Variants in ACOXL observed in about 807,000 individuals in gnomAD.
ACOXL encodes the protein acyl-CoA oxidase like.
ACOXL carries 70 observed loss-of-function variants against 71.9 expected under a neutral mutation model. The ratio of observed to expected loss-of-function variants is 0.97; its 90% CI spans 0.80 to 1.19. The LOEUF is 1.19. ACOXL is among the 50% of genes most tolerant of loss of function. ACOXL has a pLI of 0.00. For synonymous variants in ACOXL, 253 were observed against 281.6 expected (o/e 0.90, Z 1.02); for missense variants, 703 against 736.3 (o/e 0.95, Z 0.52).
In ACOXL at chr2:111,117,833, TGTG is replaced by T. The variant is rs975745748; in HGVS notation, c.*22_*24del. On this transcript the variant is annotated 3_prime_UTR_variant, in exon 18 of 18. Coordinates refer to ENST00000439055, the MANE Select transcript of ACOXL (RefSeq NM_001142807.4). Reference sequence around the variant, plus strand: ...AAGCTCTAACGGGTGTGGCGGGAAGTGTGGTGGCCCGCCAGCAGCTGCCACGAC... The same window carrying T: ...AAGCTCTAACGGGTGTGGCGGGAAGTGTGGCCCGCCAGCAGCTGCCACGAC... 1.7e-5 allele frequency: 26 copies of T among 1,538,604 alleles called. No homozygotes were observed. Among genetic ancestry groups the T allele is most frequent in the Non-Finnish European group, 2.0e-5 (23 of 1,143,142 alleles).
intron 12 of ACOXL, among the ~76,000 whole-genome samples, chr2:110,964,697 A>T (rs562523589): frequency 4.1e-4 from 63 of 152,336 alleles, no homozygotes; most frequent in African/African-American, 1.5e-3. Context: ...TTATTGATAC[A>T]TAGTATTTGT....
intron 16 of ACOXL, among the ~76,000 whole-genome samples, chr2:111,062,522 A>G (rs541556022): frequency 4.0e-4 from 61 of 152,256 alleles, no homozygotes; most frequent in African/African-American, 1.3e-3. Context: ...ATTATTTTCA[A>G]GTGCCCAAGA....
chr2:111,114,330 G>C (rs1287655807), intron 17 of ACOXL: 1 of 152,424 alleles, frequency 6.6e-6, no homozygotes, highest in Non-Finnish European at 1.5e-5. Context: ...GGTTATAGGA[G>C]AGTGATAATG....
chr2:110,918,025 A>G (rs757101272), intron 11 of ACOXL, among the ~76,000 whole-genome samples: 1 of 152,234 alleles, frequency 6.6e-6, no homozygotes, highest in Admixed American at 6.5e-5. Flanking sequence ...TCAAGCTACC[A>G]TTGACTTTCT....
intron 14 of ACOXL, among the ~76,000 whole-genome samples, chr2:111,007,710 T>C (rs1158524329): frequency 6.6e-6 from 1 of 152,204 alleles, no homozygotes. Flanking sequence ...AAAACCAGCA[T>C]CTGGTCTCTG....
At chr2:110,927,818 G>T (rs1329816982) in intron 11 of ACOXL, among the ~76,000 whole-genome samples, 1 of 152,172 alleles carries the variant, frequency 6.6e-6, no homozygotes, top group African/African-American at 2.4e-5. Flanking sequence ...CTGTGGGATT[G>T]CTTGGAGCTT....
chr2:110,955,202 T>G (rs1286835919), intron 12 of ACOXL, among the ~76,000 whole-genome samples: 1 of 152,186 alleles, frequency 6.6e-6, no homozygotes, highest in Admixed American at 6.5e-5. Context: ...GTTCTTTGCA[T>G]TATCTCCTTC....
intron 16 of ACOXL, among the ~76,000 whole-genome samples, chr2:111,084,310 A>AC (rs2068092650): frequency 7.7e-5 from 11 of 142,162 alleles, no homozygotes; most frequent in Non-Finnish European, 1.4e-4. Flanking sequence ...CACACACACA[A>AC]GAAGTGGAAG....
At chr2:111,037,000 C>G (rs1410838982) in intron 15 of ACOXL, 1 of 152,222 alleles carries the variant, frequency 6.6e-6, no homozygotes, top group South Asian at 2.1e-4. Context: ...GAGCATGCCA[C>G]TTTGCCAAAG....
intron 17 of ACOXL, among the ~76,000 whole-genome samples, chr2:111,098,098 CTG>C (rs754034620): frequency 5.3e-5 from 8 of 152,220 alleles, no homozygotes; most frequent in Non-Finnish European, 1.2e-4. Flanking sequence ...AGCATGTACT[CTG>C]TGGTGTGATA....
At chr2:110,906,586 CAAAAAA>C (rs78173066) in intron 10 of ACOXL, among the ~76,000 whole-genome samples, 1 of 98,902 alleles carries the variant, frequency 1.0e-5, no homozygotes, top group Non-Finnish European at 2.0e-5. Context: ...ATTTTTCAGC[CAAAAAA>C]AAAAAAAAAA....
At chr2:110,771,674 G>GCACA in intron 2 of ACOXL, among the ~76,000 whole-genome samples, 1 of 152,026 alleles carries the variant, frequency 6.6e-6, no homozygotes, top group East Asian at 1.9e-4. Context: ...GAGTGTGCAC[G>GCACA]CACACACACA....
At chr2:110,946,986 ATTC>A (rs2061133477) in intron 12 of ACOXL, among the ~76,000 whole-genome samples, 1 of 152,228 alleles carries the variant, frequency 6.6e-6, no homozygotes, top group South Asian at 2.1e-4. Context: ...CAGCTGTGAC[ATTC>A]CCAGTGGCCA....
chr2:110,818,451 G>GTGTGTA (rs1373497384), intron 9 of ACOXL, among the ~76,000 whole-genome samples: 1 of 135,826 alleles, frequency 7.4e-6, no homozygotes, highest in African/African-American at 2.8e-5. Context: ...GTGTGTGTGT[G>GTGTGTA]TATATATATA....
intron 9 of ACOXL, among the ~76,000 whole-genome samples, chr2:110,807,440 G>A (rs1183588150): frequency 1.3e-5 from 2 of 152,322 alleles, no homozygotes; most frequent in African/African-American, 2.4e-5. Flanking sequence ...AGGAAAGGAA[G>A]ACATGGGCAT....
intron 10 of ACOXL, among the ~76,000 whole-genome samples, chr2:110,881,815 C>A (rs1267169839): frequency 6.6e-6 from 1 of 151,586 alleles, no homozygotes; most frequent in Non-Finnish European, 1.5e-5. Flanking sequence ...GTAGTTAATT[C>A]CTTTTCATTG....
chr2:110,891,638 G>A (rs749350019), intron 10 of ACOXL, among the ~76,000 whole-genome samples: 21 of 151,864 alleles, frequency 1.4e-4, no homozygotes, highest in Non-Finnish European at 2.9e-4. Context: ...TCCTCCATTT[G>A]CTGTATGCCT....
intron 1 of ACOXL, among the ~76,000 whole-genome samples, chr2:110,753,863 G>A (rs112141300): frequency 3.0e-4 from 46 of 152,024 alleles, no homozygotes; most frequent in African/African-American, 1.1e-3. Context: ...ATTGCTCCAC[G>A]TCTTTGTCAA....
At chr2:110,964,778 AG>A (rs1480712805) in intron 12 of ACOXL, among the ~76,000 whole-genome samples, 3 of 152,364 alleles carry the variant, frequency 2.0e-5, no homozygotes, top group Middle Eastern at 3.4e-3. Flanking sequence ...CAGAGTTTTT[AG>A]GGTGTCCATC....
Sources: gnomAD v4.1 joint callset for allele counts (sites outside exome capture counted in the v4.1 genomes callset) on GRCh38, gnomAD v4.1.1 for gene constraint, MANE v1.5 for transcripts, NCBI Gene and HGNC (gene_info 2026-07-23, HGNC 2026-07-21) for gene names.